Variants in TOGARAM2 observed in about 807,000 individuals in gnomAD.
TOGARAM2 encodes the protein TOG array regulator of axonemal microtubules 2, also known as TOG array regulator of axonemal microtubules protein 2.
Under a neutral mutation model 93.3 loss-of-function variants are expected in TOGARAM2, and 85 were observed. The ratio of observed to expected loss-of-function variants is 0.91; its 90% CI spans 0.76 to 1.09. TOGARAM2 has a LOEUF of 1.09. Ranked by LOEUF, TOGARAM2 falls within the 50% of genes least tolerant of loss-of-function variation. The probability of loss-of-function intolerance (pLI) is 0.00; values close to 1 mark genes in which losing one functional copy is unlikely to be tolerated. For missense variants in TOGARAM2, 1,277 were observed against 1,334.5 expected (o/e 0.96, Z 0.67); for synonymous variants, 593 against 552.8 (o/e 1.07, Z -1.02).
chr2:28,990,800 C>T (rs919906177), intron 1 of TOGARAM2, among the ~76,000 whole-genome samples: 20 of 152,156 alleles, frequency 1.3e-4, no homozygotes, highest in Admixed American at 1.2e-3. Flanking sequence ...AATGTGGGCT[C>T]ATGGGTGAGA....
At position 29,023,031 on chromosome 2, in the gene TOGARAM2, G is replaced by A. The variant is rs150687319; in HGVS notation, c.1512-55G>A. Reference sequence around the variant, plus strand: ...ATGTGGGGCCCCTAGTCTGCAGAGGGGTGGGGCTCCTCCCTCTCCACCCTT... The same window carrying A: ...ATGTGGGGCCCCTAGTCTGCAGAGGAGTGGGGCTCCTCCCTCTCCACCCTT... On this transcript the variant is annotated intron_variant, in intron 11 of 19. Coordinates refer to ENST00000379558, the MANE Select transcript of TOGARAM2 (RefSeq NM_199280.4). 1.0e-3 allele frequency: 1,526 copies of A among 1,495,072 alleles called. 18 individuals are homozygous for A. The South Asian group carries it at 0.014, about 14-fold the overall frequency. 92.6% of individuals were successfully genotyped at this position (1,495,072 alleles called of 1,614,324 possible). A position where few individuals can be genotyped will look rare whatever the true frequency, so the allele number is the denominator to read the frequency against.
chr2:29,024,253 C>T lies in TOGARAM2; in HGVS notation c.1732C>T (p.Leu578=), dbSNP rs1665177143. 6.2e-7 allele frequency: 1 copy of T among 1,612,624 alleles called. No homozygotes were observed. The highest frequency in any genetic ancestry group is 8.5e-7 in the Non-Finnish European group (1 of 1,179,306). ...QEAEEIARCL[L]QKMADTNEFI... The stretch of plus-strand genomic sequence containing the variant: ...GGCCGAGGAGATCGCCCGCTGCTTG[C>T]TGCAGAAGATGGCGGACACCAACGA... Residue 578 remains leucine, a synonymous_variant, in exon 13 of 20, where the codon CTG becomes TTG. Transcript: ENST00000379558.
In TOGARAM2 at chr2:29,001,110, C is replaced by T. The variant is rs1673271514; in HGVS notation, c.428-1426C>T. On this transcript the variant is annotated intron_variant, in intron 4 of 19. Coordinates refer to ENST00000379558, the MANE Select transcript of TOGARAM2 (RefSeq NM_199280.4). ...AGTGCTGGGGCTGCTCTGGCCCCTGCATTGAGGCTGAGTTGACTCCTCTGT... is the reference window on the plus strand; with the variant it reads ...AGTGCTGGGGCTGCTCTGGCCCCTGTATTGAGGCTGAGTTGACTCCTCTGT... 2.6e-5 allele frequency among the ~76,000 whole-genome samples: 4 copies of T among 152,266 alleles called. No individual in the cohort carries two copies. In the South Asian group the frequency reaches 8.3e-4, roughly 32 times the overall value.
chr2:28,970,511 G>T (rs1671932140), intron 1 of TOGARAM2, among the ~76,000 whole-genome samples: 1 of 152,146 alleles, frequency 6.6e-6, no homozygotes, highest in African/African-American at 2.4e-5. Flanking sequence ...CTGCTCTCTG[G>T]GGCTTGTCTT....
At chr2:29,015,694 C>A (rs968465968) in intron 8 of TOGARAM2, among the ~76,000 whole-genome samples, 7 of 152,294 alleles carry the variant, frequency 4.6e-5, no homozygotes, top group African/African-American at 1.7e-4. Flanking sequence ...CCTTGTCTAC[C>A]TTGACCCCAT....
At chr2:29,001,644 G>C (rs1673304372) in intron 4 of TOGARAM2, among the ~76,000 whole-genome samples, 1 of 152,132 alleles carries the variant, frequency 6.6e-6, no homozygotes, top group Non-Finnish European at 1.5e-5. Context: ...GGGACTACAG[G>C]CATGTGCCAC....
At chr2:29,050,636 A>T (rs1284788770) in intron 19 of TOGARAM2, 1 of 152,114 alleles carries the variant, frequency 6.6e-6, no homozygotes, top group Non-Finnish European at 1.5e-5. Flanking sequence ...GGATATGGAA[A>T]CTGTTTTCCA....
chr2:29,005,053 TATGTGTGTGAGTGC>T (rs571418591), intron 6 of TOGARAM2, among the ~76,000 whole-genome samples: 1,176 of 14,392 alleles, frequency 0.082, 178 homozygotes, highest in African/African-American at 0.11. Context: ...TGTGCATGTG[TATGTGTGTGAGTGC>T]ATGTGTGTGC....
chr2:28,969,732 G>A (rs746905227), intron 1 of TOGARAM2, among the ~76,000 whole-genome samples: 19 of 151,738 alleles, frequency 1.3e-4, no homozygotes, highest in Non-Finnish European at 2.2e-4. Flanking sequence ...CAATGTAACT[G>A]CTCTGACACA....
At chr2:28,967,054 C>A (rs879414670) in intron 1 of TOGARAM2, among the ~76,000 whole-genome samples, 3 of 152,178 alleles carry the variant, frequency 2.0e-5, no homozygotes, top group African/African-American at 7.2e-5. Flanking sequence ...AAAAGGAAAG[C>A]GGCAGCTTTT....
chr2:29,017,940 T>C lies in TOGARAM2; in HGVS notation c.1344T>C (p.Phe448=). ...SIPISRQEPR[F]ARHASANSLP... is the part of the protein sequence containing the mutation. ...CCATCAGCCGGCAGGAGCCCCGCTT[T>C]GCCCGCCACGCCTCAGGTGGGCAGG... Residue 448 remains phenylalanine, a synonymous_variant, in exon 10 of 20, where the codon TTT becomes TTC. Transcript: ENST00000379558. 6.2e-7 allele frequency: 1 copy of C among 1,605,010 alleles called. No homozygotes were observed. Among genetic ancestry groups the C allele is most frequent in the Non-Finnish European group, 8.5e-7 (1 of 1,175,366 alleles).
At chr2:29,013,802 C>T (rs1338988013) in intron 7 of TOGARAM2, among the ~76,000 whole-genome samples, 1 of 152,246 alleles carries the variant, frequency 6.6e-6, no homozygotes. Context: ...TCGATCTCCT[C>T]TGGCAGCTCC....
chr2:28,965,732 T>C (rs2148217125), intron 1 of TOGARAM2, among the ~76,000 whole-genome samples: 1 of 152,190 alleles, frequency 6.6e-6, no homozygotes, highest in East Asian at 1.9e-4. Flanking sequence ...CTCCCTCTTC[T>C]CTAAGAGCTC....
At chr2:29,048,830 C>G (rs1429635296) in intron 19 of TOGARAM2, 1 of 148,164 alleles carries the variant, frequency 6.7e-6, no homozygotes, top group African/African-American at 2.5e-5. Flanking sequence ...AGGCGCCCAC[C>G]ACAACACCCA....
At chr2:29,014,765 G>A (rs1664457340) in intron 8 of TOGARAM2, among the ~76,000 whole-genome samples, 1 of 152,124 alleles carries the variant, frequency 6.6e-6, no homozygotes, top group East Asian at 1.9e-4. Context: ...GAAAGGATGG[G>A]GGTCAGAAGC....
intron 8 of TOGARAM2, 147 bp from the exon 9 acceptor site, chr2:29,017,007 C>A: frequency 3.1e-6 from 3 of 975,668 alleles, no homozygotes; most frequent in Non-Finnish European, 3.1e-6. Flanking sequence ...CTCCCCCACA[C>A]TTCAAAGCTC....
At chr2:29,025,857 G>A (rs896705409) in intron 13 of TOGARAM2, among the ~76,000 whole-genome samples, 1 of 152,192 alleles carries the variant, frequency 6.6e-6, no homozygotes, top group Non-Finnish European at 1.5e-5. Context: ...CAGCAAACAT[G>A]CATTAAGCTC....
rs1490197401 is a variant in TOGARAM2 at position 29,014,466 on chromosome 2, CA to C, written c.950del (p.Gln317ArgfsTer6). The C allele has an allele frequency of 6.2e-7, 1 of 1,603,162 alleles. No individual in the cohort carries two copies. The highest frequency in any genetic ancestry group is 2.3e-5 in the East Asian group (1 of 44,344). On this transcript the variant is annotated frameshift_variant, in exon 8 of 20. Coordinates refer to ENST00000379558, the MANE Select transcript of TOGARAM2 (RefSeq NM_199280.4). LOFTEE classifies it high-confidence loss of function. ...CAAGAAGCCTGCCCTGCCTTTTTCT[CA>C]GTCTGCTCCCACGCTGACAGCCTTC... Reference protein sequence around the residue: ...AAKKPALPFSQSAPTLTAFSF... With the variant: ...AAKKPALPFSXSAPTLTAFSF...
intron 1 of TOGARAM2, among the ~76,000 whole-genome samples, chr2:28,966,935 A>G (rs1404310471): frequency 6.6e-6 from 1 of 152,226 alleles, no homozygotes; most frequent in African/African-American, 2.4e-5. Flanking sequence ...AAGACTCTGG[A>G]CTTGAGAAAT....
Sources: gnomAD v4.1 joint callset for allele counts (sites outside exome capture counted in the v4.1 genomes callset) on GRCh38, gnomAD v4.1.1 for gene constraint, MANE v1.5 for transcripts, NCBI Gene and HGNC (gene_info 2026-07-23, HGNC 2026-07-21) for gene names.